Variants in GABRR3 observed in about 807,000 individuals in gnomAD.
GABRR3 encodes gamma-aminobutyric acid type A receptor subunit rho3, also known as gamma-aminobutyric acid receptor subunit rho-3.
GABRR3 carries 29 observed loss-of-function variants against 43.2 expected under a neutral mutation model. That is an observed-to-expected ratio of 0.67 (90% CI 0.50 to 0.92). GABRR3 has a LOEUF of 0.92. Ranked by LOEUF, GABRR3 falls within the 40% of genes least tolerant of loss-of-function variation. The probability of loss-of-function intolerance (pLI) is 0.00; values close to 1 mark genes in which losing one functional copy is unlikely to be tolerated. For missense variants in GABRR3, 576 were observed against 572.3 expected, an observed-to-expected ratio of 1.01 and a Z score of -0.07; for synonymous variants, 206 against 195.9, an observed-to-expected ratio of 1.05 and a Z score of -0.43.
At chr3:98,029,433 G>A (rs1707059446) in intron 2 of GABRR3, among the ~76,000 whole-genome samples, 1 of 152,138 alleles carries the variant, frequency 6.6e-6, no homozygotes, top group African/African-American at 2.4e-5. Context: ...CTTTGAGGAG[G>A]ACATAGTAGT....
At chr3:97,995,653 G>C (rs368127913) in intron 8 of GABRR3, among the ~76,000 whole-genome samples, 1 of 151,704 alleles carries the variant, frequency 6.6e-6, no homozygotes, top group Non-Finnish European at 1.5e-5. Flanking sequence ...TTGGGTAGGG[G>C]GAGTGAATGA....
chr3:98,009,729 C>G (rs930033980), intron 5 of GABRR3, among the ~76,000 whole-genome samples: 1 of 152,130 alleles, frequency 6.6e-6, no homozygotes, highest in Non-Finnish European at 1.5e-5. Context: ...TCATAAAGGG[C>G]CCCTGAGCAG....
At chr3:98,032,718 G>C (rs1181893725) in intron 2 of GABRR3, among the ~76,000 whole-genome samples, 1 of 152,096 alleles carries the variant, frequency 6.6e-6, no homozygotes, top group Non-Finnish European at 1.5e-5. Context: ...GTTATATTCT[G>C]AATGAAAACA....
intron 7 of GABRR3, among the ~76,000 whole-genome samples, chr3:98,003,243 C>A (rs952638090): frequency 2.0e-5 from 3 of 151,884 alleles, no homozygotes; most frequent in African/African-American, 7.3e-5. Context: ...AGCTTTCTGA[C>A]CTTACAACTT....
intron 8 of GABRR3, among the ~76,000 whole-genome samples, chr3:97,996,538 A>AT (rs1324958981): frequency 1.3e-5 from 2 of 152,280 alleles, no homozygotes; most frequent in East Asian, 3.9e-4. Context: ...TTCCTCTGCC[A>AT]TATCTGTTTT....
intron 3 of GABRR3, among the ~76,000 whole-genome samples, chr3:98,019,285 C>A (rs1160148586): frequency 6.6e-6 from 1 of 152,126 alleles, no homozygotes; most frequent in African/African-American, 2.4e-5. Flanking sequence ...AATTCGACAG[C>A]CCTTTAAATG....
intron 3 of GABRR3, 57 bp downstream of exon 3, chr3:98,025,510 C>T: frequency 3.5e-6 from 4 of 1,151,484 alleles, no homozygotes; most frequent in South Asian, 1.7e-5. Flanking sequence ...TAAATTTTCA[C>T]CTCCATTTTG....
At chr3:97,989,548 G>T (rs947077805) in intron 9 of GABRR3, among the ~76,000 whole-genome samples, 34 of 151,974 alleles carry the variant, frequency 2.2e-4, no homozygotes, top group African/African-American at 8.0e-4. Context: ...GTAGGGGGGT[G>T]ATGAAAACAA....
In GABRR3 at chr3:98,020,182, G is replaced by C. The variant is rs575192938; in HGVS notation, c.239-2460C>G. ...TAGCATGAAAGTCACTTAGGCTAGAGTTTGAAACCAGCTCCACAATTGTTA... is the reference window on the plus strand; with the variant it reads ...TAGCATGAAAGTCACTTAGGCTAGACTTTGAAACCAGCTCCACAATTGTTA... On this transcript the variant is annotated intron_variant, in intron 3 of 9. Coordinates refer to ENST00000621172, the Ensembl canonical transcript of GABRR3. 2.6e-5 allele frequency among the ~76,000 whole-genome samples: 4 copies of C among 152,220 alleles called. No individual in the cohort carries two copies. The East Asian group carries it at 7.7e-4, about 29-fold the overall frequency.
intron 3 of GABRR3, among the ~76,000 whole-genome samples, chr3:98,022,838 G>A (rs1706966387): frequency 6.6e-6 from 1 of 151,926 alleles, no homozygotes; most frequent in Non-Finnish European, 1.5e-5. Context: ...AAGTCGCCTC[G>A]GGAAAGAAAG....
At chr3:98,025,521 A>T in intron 3 of GABRR3, 46 bp downstream of exon 3, 9 of 1,257,882 alleles carry the variant, frequency 7.2e-6, no homozygotes, top group Non-Finnish European at 8.8e-6. Context: ...CTCCATTTTG[A>T]CAGTGCAATG....
intron 3 of GABRR3, among the ~76,000 whole-genome samples, chr3:98,025,138 C>T (rs1381554914): frequency 1.3e-5 from 2 of 152,200 alleles, no homozygotes; most frequent in East Asian, 1.9e-4. Context: ...AGTGATAAAC[C>T]GTTTTTAAAA....
chr3:98,021,178 G>A (rs1706941317), intron 3 of GABRR3, among the ~76,000 whole-genome samples: 1 of 151,952 alleles, frequency 6.6e-6, no homozygotes, highest in Non-Finnish European at 1.5e-5. Context: ...ATTTCTGCCT[G>A]GTTTGAGCTC....
chr3:98,024,732 A>C (rs1397622603), intron 3 of GABRR3, among the ~76,000 whole-genome samples: 1 of 152,220 alleles, frequency 6.6e-6, no homozygotes, highest in Non-Finnish European at 1.5e-5. Flanking sequence ...TGGAAGTGGA[A>C]GGCTCCATCA....
intron 2 of GABRR3, among the ~76,000 whole-genome samples, chr3:98,032,659 T>A (rs997167652): frequency 2.6e-5 from 4 of 152,206 alleles, no homozygotes; most frequent in Non-Finnish European, 4.4e-5. Context: ...CATATTTTTT[T>A]AAAGTCTTTA....
At chr3:98,018,419 G>A (rs762455104) in intron 3 of GABRR3, among the ~76,000 whole-genome samples, 32 of 152,274 alleles carry the variant, frequency 2.1e-4, no homozygotes, top group Non-Finnish European at 3.4e-4. Context: ...TAGAATTGGA[G>A]CAATTTCAGA....
chr3:98,007,976 C>A, intron 6 of GABRR3, 72 bp from the exon 7 acceptor site: 1 of 1,289,164 alleles, frequency 7.8e-7, no homozygotes, highest in Non-Finnish European at 1.1e-6. Flanking sequence ...ATAACCATGT[C>A]TTATGTGGCT....
chr3:97,993,724 C>T (rs1308133691), intron 8 of GABRR3, among the ~76,000 whole-genome samples: 3 of 152,050 alleles, frequency 2.0e-5, no homozygotes, highest in Non-Finnish European at 4.4e-5. Context: ...ACTCTCTTCC[C>T]CATTCCCCTC....
intron 7 of GABRR3, among the ~76,000 whole-genome samples, chr3:98,005,384 C>T (rs1362399750): frequency 6.6e-6 from 1 of 152,106 alleles, no homozygotes; most frequent in East Asian, 1.9e-4. Flanking sequence ...GGATAAGTCT[C>T]CTTCTCATGT....
Sources: allele counts gnomAD v4.1 joint callset (sites outside exome capture counted in the v4.1 genomes callset), GRCh38; gene constraint gnomAD v4.1.1; transcripts MANE v1.5; gene names NCBI Gene and HGNC (gene_info 2026-07-23, HGNC 2026-07-21).